The following SAMMSON variants were observed in gnomAD, a reference collection of about 807,000 sequenced individuals.
The protein encoded by SAMMSON is long intergenic non-protein coding RNA 1212.
chr3:70,170,111 T>C (rs911609253), intron 4 of SAMMSON, among the ~76,000 whole-genome samples: 3 of 151,882 alleles, frequency 2.0e-5, no homozygotes, highest in Non-Finnish European at 4.4e-5. Context: ...CCAAGTAAAA[T>C]GGTTTTAGAA....
Position 70,047,334 on chromosome 3 carries a change from T to TC in SAMMSON, n.418-24142_418-24141insC, listed in dbSNP as rs796739731. Among the ~76,000 whole-genome samples the TC allele has an allele frequency of 1.4e-3, 190 of 137,298 alleles. 1 individual carries two copies. Among genetic ancestry groups the TC allele is most frequent in the African/African-American group, 5.3e-3 (181 of 34,024 alleles). The allele number at this position is 137,298 out of a possible 152,430, so 90.1% of individuals were successfully genotyped here. On this transcript the variant is annotated intron_variant and non_coding_transcript_variant, in intron 3 of 9. Transcript: ENST00000642114. ...ATTATATAATTTCTCTCTCTCTCTC[T>TC]TTTTTTTTTTTTGAGACAGAGTCTC...
chr3:70,215,311 C>T (rs1346429331), intron 4 of SAMMSON, among the ~76,000 whole-genome samples: 1 of 152,078 alleles, frequency 6.6e-6, no homozygotes, highest in Non-Finnish European at 1.5e-5. Context: ...ATTCCTATGG[C>T]AGTCAGACTT....
At chr3:70,192,904 T>C (rs1701141838) in intron 4 of SAMMSON, among the ~76,000 whole-genome samples, 1 of 152,214 alleles carries the variant, frequency 6.6e-6, no homozygotes, top group East Asian at 1.9e-4. Context: ...AAAAATGCTG[T>C]TGACATTTAG....
At chr3:70,370,357 C>G (rs191332898) in intron 9 of SAMMSON, among the ~76,000 whole-genome samples, 59 of 152,082 alleles carry the variant, frequency 3.9e-4, no homozygotes, top group Non-Finnish European at 2.8e-4. Context: ...TATGGTAGTT[C>G]TATTTTTAAT....
At chr3:70,347,678 G>A (rs192940174) in intron 7 of SAMMSON, among the ~76,000 whole-genome samples, 149 of 152,250 alleles carry the variant, frequency 9.8e-4, no homozygotes, top group African/African-American at 3.5e-3. Context: ...AAAAAGACCT[G>A]GCCCTACTAA....
chr3:70,033,759 C>G (rs985389545), intron 3 of SAMMSON, among the ~76,000 whole-genome samples: 8 of 152,076 alleles, frequency 5.3e-5, no homozygotes. Context: ...AAACAGTAGA[C>G]TCAATGGATT....
chr3:70,169,639 TTTTTTC>T (rs765929149), intron 4 of SAMMSON, among the ~76,000 whole-genome samples: 183 of 14,854 alleles, frequency 0.012, no homozygotes, highest in African/African-American at 0.028. Flanking sequence ...AGGTCTTTTC[TTTTTTC>T]TTTTTTTTTT....
At position 70,317,079 on chromosome 3, in the gene SAMMSON, A is replaced by G. The variant is rs534948982; in HGVS notation, n.739+25836A>G. On this transcript the variant is annotated intron_variant and non_coding_transcript_variant, in intron 7 of 9. Transcript: ENST00000642114. The stretch of plus-strand genomic sequence containing the variant: ...CATAGCAAAAATGTTGCTCCACTTC[A>G]TGTTATGGGTAATAGGTTTATAACT... 8.5e-5 allele frequency among the ~76,000 whole-genome samples: 13 copies of G among 152,078 alleles called. No individual in the cohort carries two copies. In the South Asian group the frequency reaches 2.1e-3, roughly 24 times the overall value.
chr3:70,250,411 T>TCTCA lies in SAMMSON; in HGVS notation n.674+742_674+743insTCAC, dbSNP rs1491297261. ...TTCGGTATTTTTCTTTTAATGAATC[T>TCTCA]CACACACACACACACACACACACAC... On this transcript the variant is annotated intron_variant and non_coding_transcript_variant, in intron 6 of 9. Coordinates refer to ENST00000642114, the Ensembl canonical transcript of SAMMSON. Among the ~76,000 whole-genome samples, 4 of 124,968 alleles carry TCTCA rather than the reference T, an allele frequency of 3.2e-5. No individual in the cohort carries two copies. In the East Asian group the frequency reaches 1.1e-3, roughly 36 times the overall value. 82.0% of individuals were successfully genotyped at this position (124,968 alleles called of 152,430 possible).
intron 7 of SAMMSON, among the ~76,000 whole-genome samples, chr3:70,346,064 T>A (rs916702700): frequency 2.0e-5 from 3 of 152,172 alleles, no homozygotes; most frequent in Admixed American, 1.3e-4. Context: ...CAAACTGTGG[T>A]TGAAAGTGGT....
chr3:70,226,336 C>T (rs989404243), intron 4 of SAMMSON, among the ~76,000 whole-genome samples: 4 of 152,130 alleles, frequency 2.6e-5, no homozygotes, highest in African/African-American at 9.7e-5. Context: ...AGACGTATAA[C>T]AGAGGCACAC....
At chr3:70,130,232 G>A (rs1311434021) in intron 4 of SAMMSON, among the ~76,000 whole-genome samples, 2 of 152,224 alleles carry the variant, frequency 1.3e-5, no homozygotes, top group Non-Finnish European at 2.9e-5. Context: ...TTGAGCAGCT[G>A]TAAGTCAAAG....
intron 3 of SAMMSON, among the ~76,000 whole-genome samples, chr3:70,028,888 T>C (rs2067053475): frequency 6.6e-6 from 1 of 152,184 alleles, no homozygotes; most frequent in South Asian, 2.1e-4. Context: ...CAGCTACTGG[T>C]CTGAGTGCTT....
intron 4 of SAMMSON, among the ~76,000 whole-genome samples, chr3:70,135,249 T>G (rs896385792): frequency 6.6e-6 from 1 of 152,190 alleles, no homozygotes; most frequent in Non-Finnish European, 1.5e-5. Context: ...CTATTACCAC[T>G]GTTGATGTAC....
intron 3 of SAMMSON, among the ~76,000 whole-genome samples, chr3:70,062,530 G>A (rs1008886309): frequency 9.2e-5 from 14 of 152,214 alleles, no homozygotes; most frequent in African/African-American, 3.4e-4. Flanking sequence ...CATAGTGGAT[G>A]CTCAGTACAT....
At chr3:70,084,516 A>T (rs1013174229) in intron 4 of SAMMSON, among the ~76,000 whole-genome samples, 1 of 152,140 alleles carries the variant, frequency 6.6e-6, no homozygotes, top group Admixed American at 6.5e-5. Context: ...GTTGGAGAAG[A>T]CAATTTGTTT....
intron 7 of SAMMSON, among the ~76,000 whole-genome samples, chr3:70,336,732 C>G (rs1702663074): frequency 6.6e-6 from 1 of 151,276 alleles, no homozygotes; most frequent in Non-Finnish European, 1.5e-5. Flanking sequence ...TCATCAATGT[C>G]CATACTTAAT....
At chr3:70,248,854 A>T (rs1480674986) in intron 4 of SAMMSON, among the ~76,000 whole-genome samples, 1 of 152,132 alleles carries the variant, frequency 6.6e-6, no homozygotes, top group Non-Finnish European at 1.5e-5. Context: ...ACATGACTCA[A>T]TTGAAAGGAA....
chr3:70,156,395 A>G (rs530086459), intron 4 of SAMMSON, among the ~76,000 whole-genome samples: 36 of 152,190 alleles, frequency 2.4e-4, no homozygotes, highest in Admixed American at 2.1e-3. Flanking sequence ...TCTCTTATCC[A>G]GGGTCAGTCA....
Sources: allele counts gnomAD v4.1 joint callset (sites outside exome capture counted in the v4.1 genomes callset), GRCh38; gene constraint gnomAD v4.1.1; transcripts MANE v1.5; gene names NCBI Gene and HGNC (gene_info 2026-07-23, HGNC 2026-07-21).